Variants in CCDC91 observed in about 807,000 individuals in gnomAD.
CCDC91 encodes coiled-coil domain containing 91.
A neutral mutation model predicts 63.2 loss-of-function variants in CCDC91; 48 were observed. That is an observed-to-expected ratio of 0.76 (90% CI 0.60 to 0.97). CCDC91 has a LOEUF of 0.97. Ranked by LOEUF, CCDC91 falls within the 50% of genes least tolerant of loss-of-function variation. The pLI, the probability that CCDC91 is intolerant of heterozygous loss-of-function variation, is 0.00. For missense variants in CCDC91, 500 were observed against 494.6 expected (o/e 1.01, Z -0.10); for synonymous variants, 167 against 165.8 (o/e 1.01, Z -0.06).
intron 12 of CCDC91, among the ~76,000 whole-genome samples, chr12:28,528,707 T>A (rs2141581585): frequency 6.6e-6 from 1 of 152,282 alleles, no homozygotes; most frequent in Middle Eastern, 3.4e-3. Flanking sequence ...CTGAGTCTCA[T>A]ATTTGTGACT....
intron 12 of CCDC91, among the ~76,000 whole-genome samples, chr12:28,544,676 G>A (rs1488677473): frequency 6.6e-6 from 1 of 151,948 alleles, no homozygotes; most frequent in Non-Finnish European, 1.5e-5. Context: ...CTTTTTGGAT[G>A]TGAACAGTCT....
intron 7 of CCDC91, among the ~76,000 whole-genome samples, chr12:28,384,667 G>C (rs1438138405): frequency 2.0e-5 from 3 of 152,022 alleles, no homozygotes; most frequent in Admixed American, 2.0e-4. Context: ...AGAGAAATCT[G>C]CTTTACTGGG....
chr12:28,405,795 A>G (rs1946898806), intron 8 of CCDC91, among the ~76,000 whole-genome samples: 1 of 152,184 alleles, frequency 6.6e-6, no homozygotes, highest in Non-Finnish European at 1.5e-5. Context: ...ACTTGAAGGC[A>G]GATTGTGATG....
intron 7 of CCDC91, among the ~76,000 whole-genome samples, chr12:28,363,800 C>T (rs1248570587): frequency 6.7e-6 from 1 of 149,082 alleles, no homozygotes; most frequent in Admixed American, 6.7e-5. Context: ...TGGCATGAAC[C>T]CGGGAGGCGG....
chr12:28,203,259 A>T (rs1173409255), intron 1 of CCDC91, among the ~76,000 whole-genome samples: 2 of 152,154 alleles, frequency 1.3e-5, no homozygotes, highest in African/African-American at 4.8e-5. Context: ...CAAGCCTTTG[A>T]TTAATTTCTA....
At chr12:28,360,263 G>T (rs191952654) in intron 6 of CCDC91, among the ~76,000 whole-genome samples, 1 of 152,338 alleles carries the variant, frequency 6.6e-6, no homozygotes, top group East Asian at 1.9e-4. Flanking sequence ...TGTTTAATCA[G>T]TAAGGTATAA....
At chr12:28,454,724 A>G (rs1949980657) in intron 11 of CCDC91, among the ~76,000 whole-genome samples, 1 of 152,130 alleles carries the variant, frequency 6.6e-6, no homozygotes, top group Non-Finnish European at 1.5e-5. Context: ...TTGGTTGGAC[A>G]TGTAATCCAA....
intron 12 of CCDC91, among the ~76,000 whole-genome samples, chr12:28,510,030 C>A (rs1253238497): frequency 6.6e-6 from 1 of 151,604 alleles, no homozygotes; most frequent in Non-Finnish European, 1.5e-5. Flanking sequence ...GTAGGGGTAC[C>A]CATGTAGAAG....
chr12:28,273,594 T>A, intron 3 of CCDC91, among the ~76,000 whole-genome samples: 1 of 152,180 alleles, frequency 6.6e-6, no homozygotes, highest in Non-Finnish European at 1.5e-5. Flanking sequence ...TGGCCAGTGA[T>A]GATGAGCATT....
chr12:28,537,187 A>G lies in CCDC91; in HGVS notation c.1216-11876A>G, dbSNP rs572733376. On this transcript the variant is annotated intron_variant, in intron 12 of 12. Transcript: ENST00000536442. ...TGTTTTTTTTCTTTTTCACTATTCTAGCTATAACTGCAGATGCTCTACATA... is the reference window on the plus strand; with the variant it reads ...TGTTTTTTTTCTTTTTCACTATTCTGGCTATAACTGCAGATGCTCTACATA... Among the ~76,000 whole-genome samples, 333 of 152,128 alleles carry G rather than the reference A, an allele frequency of 2.2e-3. 1 individual carries two copies. The highest frequency in any genetic ancestry group is 7.5e-3 in the African/African-American group (312 of 41,478).
chr12:28,317,303 T>C (rs1939998700), intron 6 of CCDC91, among the ~76,000 whole-genome samples: 2 of 152,034 alleles, frequency 1.3e-5, no homozygotes, highest in Admixed American at 1.3e-4. Flanking sequence ...GTTAATACCA[T>C]ATTCTTAGAT....
intron 8 of CCDC91, among the ~76,000 whole-genome samples, chr12:28,422,071 A>G (rs1020846559): frequency 2.0e-5 from 3 of 152,132 alleles, no homozygotes; most frequent in Non-Finnish European, 4.4e-5. Flanking sequence ...GGAAACCTGT[A>G]CTTGCATCAA....
intron 1 of CCDC91, chr12:28,236,911 T>A (rs1442239764): frequency 6.6e-6 from 1 of 152,080 alleles, no homozygotes; most frequent in Non-Finnish European, 1.5e-5. Context: ...AAGTAAAGAA[T>A]TTGTTCAAAT....
chr12:28,349,398 G>A (rs750200191), intron 6 of CCDC91, among the ~76,000 whole-genome samples: 50 of 152,128 alleles, frequency 3.3e-4, no homozygotes, highest in Non-Finnish European at 6.8e-4. Context: ...TTATAATGAC[G>A]AGGCTGTTTA....
At chr12:28,265,879 C>T (rs1320007039) in intron 3 of CCDC91, among the ~76,000 whole-genome samples, 4 of 151,986 alleles carry the variant, frequency 2.6e-5, no homozygotes, top group Non-Finnish European at 5.9e-5. Flanking sequence ...AAAAACTTTC[C>T]GTCTGTCTTT....
intron 1 of CCDC91, among the ~76,000 whole-genome samples, chr12:28,206,720 C>T (rs948960327): frequency 1.3e-5 from 2 of 152,154 alleles, no homozygotes; most frequent in Non-Finnish European, 2.9e-5. Context: ...TGTTTAGCCA[C>T]TTAATACTAT....
chr12:28,296,433 A>G, intron 3 of CCDC91, among the ~76,000 whole-genome samples: 1 of 151,904 alleles, frequency 6.6e-6, no homozygotes, highest in East Asian at 1.9e-4. Context: ...ATAACTCTAG[A>G]AAATAATTAA....
intron 11 of CCDC91, among the ~76,000 whole-genome samples, chr12:28,472,298 C>T (rs1950860905): frequency 6.6e-6 from 1 of 152,138 alleles, no homozygotes; most frequent in Non-Finnish European, 1.5e-5. Context: ...ACAGCTGAAC[C>T]CCTCCCAGAT....
In CCDC91 at chr12:28,480,407, T is replaced by A. The variant is rs141267095; in HGVS notation, c.1102-3645T>A. On this transcript the variant is annotated intron_variant, in intron 11 of 12. Coordinates refer to ENST00000536442, the MANE Select transcript of CCDC91 (RefSeq NM_018318.5). ...TTTAGTGTATGGTTATTTCAGTTTC[T>A]GTGCATTTATATTTTATTTTCACAA... 2.8e-4 allele frequency among the ~76,000 whole-genome samples: 43 copies of A among 152,190 alleles called. 1 individual carries two copies. In the East Asian group the frequency reaches 8.3e-3, roughly 29 times the overall value.
Sources: gnomAD v4.1 joint callset for allele counts (sites outside exome capture counted in the v4.1 genomes callset) on GRCh38, gnomAD v4.1.1 for gene constraint, MANE v1.5 for transcripts, NCBI Gene and HGNC (gene_info 2026-07-23, HGNC 2026-07-21) for gene names.